Variants in FLRT2 observed in about 807,000 individuals in gnomAD.
The protein encoded by FLRT2 is leucine-rich repeat transmembrane protein FLRT2.
In FLRT2, 15 loss-of-function variants were observed where a neutral mutation model predicts 40.0. The ratio of observed to expected loss-of-function variants is 0.38; its 90% CI spans 0.25 to 0.58. The LOEUF is 0.58. Among genes scored for constraint, FLRT2 ranks in the 20% least tolerant of loss-of-function variants. FLRT2 has a pLI of 0.71. For synonymous variants in FLRT2, 380 were observed against 336.8 expected (o/e 1.13, Z -1.41); for missense variants, 726 against 840.0 (o/e 0.86, Z 1.68).
At chr14:85,550,486 G>A (rs7154381) in intron 1 of FLRT2, among the ~76,000 whole-genome samples, 55,471 of 152,038 alleles carry the variant, frequency 0.36, 10,407 homozygotes, top group Admixed American at 0.48. Flanking sequence ...ATTTAGCATG[G>A]ATAACTAATG....
chr14:85,535,202 G>A (rs1246997407), intron 1 of FLRT2, among the ~76,000 whole-genome samples: 2 of 152,208 alleles, frequency 1.3e-5, no homozygotes, highest in African/African-American at 4.8e-5. Context: ...TTTGGAGCAT[G>A]TCCACTCGCT....
Position 85,646,484 on chromosome 14 carries a change from T to C in FLRT2, c.*22987T>C, listed in dbSNP as rs985212930. The C allele has an allele frequency of 3.3e-5, 5 of 152,226 alleles. No homozygotes were observed. The highest frequency in any genetic ancestry group is 1.2e-4 in the African/African-American group (5 of 41,448). The allele number at this position is 152,226 out of a possible 1,614,324, so 9.4% of individuals were successfully genotyped here. The stretch of plus-strand genomic sequence containing the variant: ...TCATGAGAAGGAAGGGAGGAAAGGA[T>C]GAAGTAGGTTTGCAGTCCTCTTAGA... On this transcript the variant is annotated 3_prime_UTR_variant, in exon 2 of 2. Transcript: ENST00000330753.
At chr14:85,614,118 C>G (rs1893017108) in intron 1 of FLRT2, among the ~76,000 whole-genome samples, 1 of 152,094 alleles carries the variant, frequency 6.6e-6, no homozygotes, top group African/African-American at 2.4e-5. Context: ...AATATTAATA[C>G]TATTATTTTC....
chr14:85,535,918 TTTTGTTGTTG>T (rs1199991545), intron 1 of FLRT2, among the ~76,000 whole-genome samples: 9 of 61,714 alleles, frequency 1.5e-4, no homozygotes, highest in African/African-American at 4.7e-4. Context: ...TTTTTTTTTT[TTTTGTTGTTG>T]TTGTTGTTGT....
intron 1 of FLRT2, among the ~76,000 whole-genome samples, chr14:85,590,625 A>C (rs1891838710): frequency 6.6e-6 from 1 of 151,992 alleles, no homozygotes; most frequent in African/African-American, 2.4e-5. Context: ...TTTGAGACAG[A>C]GTCTCGCTCT....
rs1893859757 is a variant in FLRT2, at chr14:85,631,112, T to TTATATATATATATAGATATATATATA, written c.*7629_*7630insGATATATATATATATATATATATATA. 1 of 91,886 alleles carries TTATATATATATATAGATATATATATA rather than the reference T, an allele frequency of 1.1e-5. No homozygotes were observed. Among genetic ancestry groups the TTATATATATATATAGATATATATATA allele is most frequent in the Admixed American group, 1.3e-4 (1 of 7,464 alleles). The allele number at this position is 91,886 out of a possible 1,614,324, so 5.7% of individuals were successfully genotyped here. ...TATAATTACATATATAATCTAGATT[T>TTATATATATATATAGATATATATATA]TATATATATATATATATGAAATGAG... On this transcript the variant is annotated 3_prime_UTR_variant, in exon 2 of 2. Transcript: ENST00000330753.
Position 85,653,417 on chromosome 14 carries a change from G to A in FLRT2, c.*29920G>A, listed in dbSNP as rs1459437616. On this transcript the variant is annotated 3_prime_UTR_variant, in exon 2 of 2. Coordinates refer to ENST00000330753, the MANE Select transcript of FLRT2 (RefSeq NM_013231.6). The stretch of plus-strand genomic sequence containing the variant: ...GTCAAGTCATTGAACATGGATGGAT[G>A]CTCCATTAAGTCATTTAAAATAAAC... The A allele has an allele frequency of 6.6e-6, 1 of 152,128 alleles. No individual in the cohort carries two copies. 9.4% of individuals were successfully genotyped at this position (152,128 alleles called of 1,614,324 possible).
chr14:85,542,039 T>G (rs1458749911), intron 1 of FLRT2, among the ~76,000 whole-genome samples: 8 of 152,226 alleles, frequency 5.3e-5, no homozygotes, highest in African/African-American at 1.9e-4. Flanking sequence ...TTGTAGAAGA[T>G]TAGCATGTAA....
chr14:85,593,733 T>A (rs1282873810), intron 1 of FLRT2, among the ~76,000 whole-genome samples: 1 of 152,184 alleles, frequency 6.6e-6, no homozygotes, highest in African/African-American at 2.4e-5. Context: ...TATAACTAGC[T>A]CTGAGCATTA....
In FLRT2 at chr14:85,625,165, A is replaced by G. The variant is rs1449586361; in HGVS notation, c.*1668A>G. ...GATAGAGAAGGGCTATAGATCACATACGTTATCAAAAACTACTCCCTTGGA... is the reference window on the plus strand; with the variant it reads ...GATAGAGAAGGGCTATAGATCACATGCGTTATCAAAAACTACTCCCTTGGA... On this transcript the variant is annotated 3_prime_UTR_variant, in exon 2 of 2. Coordinates refer to ENST00000330753, the MANE Select transcript of FLRT2 (RefSeq NM_013231.6). 3 of 167,076 alleles carry G rather than the reference A, an allele frequency of 1.8e-5. No individual in the cohort carries two copies. Among genetic ancestry groups the G allele is most frequent in the Non-Finnish European group, 4.4e-5 (3 of 68,112 alleles). 10.3% of individuals were successfully genotyped at this position (167,076 alleles called of 1,614,324 possible).
intron 1 of FLRT2, among the ~76,000 whole-genome samples, chr14:85,534,999 G>T (rs1347657646): frequency 6.6e-6 from 1 of 152,322 alleles, no homozygotes; most frequent in East Asian, 1.9e-4. Flanking sequence ...TTTAGTAAGA[G>T]AATCTCTTGT....
At chr14:85,535,753 TTGAC>T (rs1888607747) in intron 1 of FLRT2, among the ~76,000 whole-genome samples, 3 of 152,118 alleles carry the variant, frequency 2.0e-5, no homozygotes, top group Admixed American at 2.0e-4. Context: ...GCAAATATCT[TTGAC>T]TGGAGGAGGT....
rs1893863075 is a variant in FLRT2, at chr14:85,631,131, A to T, written c.*7634A>T. On this transcript the variant is annotated 3_prime_UTR_variant, in exon 2 of 2. Transcript: ENST00000330753. ...TAGATTTTATATATATATATATATG[A>T]AATGAGCAAACAAAATGCTTTCAGT... 1 of 25,652 alleles carries T rather than the reference A, an allele frequency of 3.9e-5. No individual in the cohort carries two copies. Among genetic ancestry groups the T allele is most frequent in the African/African-American group, 3.5e-4 (1 of 2,874 alleles). The allele number at this position is 25,652 out of a possible 1,614,324, so 1.6% of individuals were successfully genotyped here. A position where few individuals can be genotyped will look rare whatever the true frequency, so the allele number is the denominator to read the frequency against.
At position 85,635,419 on chromosome 14, in the gene FLRT2, C is replaced by G. The variant is rs896814434; in HGVS notation, c.*11922C>G. 1 of 151,970 alleles carries G rather than the reference C, an allele frequency of 6.6e-6. No homozygotes were observed. The highest frequency in any genetic ancestry group is 2.4e-5 in the African/African-American group (1 of 41,396). 9.4% of individuals were successfully genotyped at this position (151,970 alleles called of 1,614,324 possible). On this transcript the variant is annotated 3_prime_UTR_variant, in exon 2 of 2. Coordinates refer to ENST00000330753, the MANE Select transcript of FLRT2 (RefSeq NM_013231.6). ...CTCCCTCAAAACAAGGAAATACAAA[C>G]TATATTACTAAGTAGACTATTAATA...
In FLRT2 at chr14:85,628,481, A is replaced by G. The variant is rs1893786750; in HGVS notation, c.*4984A>G. The G allele has an allele frequency of 6.6e-6, 1 of 152,120 alleles. No homozygotes were observed. Among genetic ancestry groups the G allele is most frequent in the Non-Finnish European group, 1.5e-5 (1 of 68,028 alleles). The allele number at this position is 152,120 out of a possible 1,614,324, so 9.4% of individuals were successfully genotyped here. A position where few individuals can be genotyped will look rare whatever the true frequency, so the allele number is the denominator to read the frequency against. On this transcript the variant is annotated 3_prime_UTR_variant, in exon 2 of 2. Coordinates refer to ENST00000330753, the MANE Select transcript of FLRT2 (RefSeq NM_013231.6). ...ATGTCAGATTTCTTTAAGAATTCTC[A>G]TAGTACTTTTCTGCCGCAGAATTTA...
chr14:85,638,575 T>G lies in FLRT2; in HGVS notation c.*15078T>G, dbSNP rs1392316487. The G allele has an allele frequency of 1.3e-5, 2 of 152,198 alleles. No homozygotes were observed. Among genetic ancestry groups the G allele is most frequent in the Non-Finnish European group, 2.9e-5 (2 of 68,042 alleles). 9.4% of individuals were successfully genotyped at this position (152,198 alleles called of 1,614,324 possible). ...TACTCTGTCTCAGAGTCCATTTCCT[T>G]GGGAACCCAACCTGCTACAGCCTAC... On this transcript the variant is annotated 3_prime_UTR_variant, in exon 2 of 2. Coordinates refer to ENST00000330753, the MANE Select transcript of FLRT2 (RefSeq NM_013231.6).
chr14:85,554,879 G>C (rs1196051010), intron 1 of FLRT2, among the ~76,000 whole-genome samples: 1 of 152,142 alleles, frequency 6.6e-6, no homozygotes, highest in Non-Finnish European at 1.5e-5. Flanking sequence ...GTGGCTGAAG[G>C]TGGTAGTTTG....
intron 1 of FLRT2, among the ~76,000 whole-genome samples, chr14:85,540,034 CT>C (rs1888894069): frequency 6.8e-6 from 1 of 146,480 alleles, no homozygotes; most frequent in South Asian, 2.2e-4. Flanking sequence ...TCAAACTTTT[CT>C]TTTGATTTTG....
At chr14:85,588,931 G>A (rs1484157150) in intron 1 of FLRT2, among the ~76,000 whole-genome samples, 1 of 152,098 alleles carries the variant, frequency 6.6e-6, no homozygotes, top group Non-Finnish European at 1.5e-5. Context: ...TTCCATTCAT[G>A]TTGGATGGGT....
Sources: gnomAD v4.1 joint callset for allele counts (sites outside exome capture counted in the v4.1 genomes callset) on GRCh38, gnomAD v4.1.1 for gene constraint, MANE v1.5 for transcripts, NCBI Gene and HGNC (gene_info 2026-07-23, HGNC 2026-07-21) for gene names.